Variants in B3GAT2 observed in about 807,000 individuals in gnomAD.
B3GAT2 encodes the protein galactosylgalactosylxylosylprotein 3-beta-glucuronosyltransferase 2.
Under a neutral mutation model 27.8 loss-of-function variants are expected in B3GAT2, and 26 were observed. That is an observed-to-expected ratio of 0.93 (90% CI 0.68 to 1.30). The LOEUF (loss-of-function observed/expected upper bound fraction) is 1.30, where lower values mean the gene tolerates loss of function less well. B3GAT2 is among the 50% of genes most tolerant of loss of function. The probability of loss-of-function intolerance (pLI) is 0.00; values close to 1 mark genes in which losing one functional copy is unlikely to be tolerated. For missense variants in B3GAT2, 458 were observed against 459.0 expected (o/e 1.00, Z 0.02); for synonymous variants, 218 against 195.1 (o/e 1.12, Z -0.98).
chr6:70,902,673 T>C (rs1224103227), intron 1 of B3GAT2, among the ~76,000 whole-genome samples: 3 of 149,082 alleles, frequency 2.0e-5, no homozygotes, highest in Non-Finnish European at 4.4e-5. Context: ...CACATATATA[T>C]ATATACACAT....
intron 2 of B3GAT2, among the ~76,000 whole-genome samples, chr6:70,878,276 T>C (rs1322707405): frequency 6.6e-6 from 1 of 152,230 alleles, no homozygotes; most frequent in Non-Finnish European, 1.5e-5. Flanking sequence ...ACTATGATTA[T>C]GGTTTTGTCA....
At position 70,861,638 on chromosome 6, in the gene B3GAT2, A is replaced by G; in HGVS notation, c.*25T>C. 6.2e-7 allele frequency: 1 copy of G among 1,605,046 alleles called. No homozygotes were observed. The highest frequency in any genetic ancestry group is 8.5e-7 in the Non-Finnish European group (1 of 1,172,448). ...TTCCATATGGATCCACTGGCTGGAC[A>G]AACTGCACCAGTTGCTGCTTCAATT... is the stretch of plus-strand genomic sequence containing the variant. On this transcript the variant is annotated 3_prime_UTR_variant, in exon 4 of 4. Transcript: ENST00000230053.
At position 70,956,508 on chromosome 6, in the gene B3GAT2, G is replaced by A; in HGVS notation, c.-79C>T. 6.5e-7 allele frequency: 1 copy of A among 1,540,646 alleles called. No individual in the cohort carries two copies. The highest frequency in any genetic ancestry group is 2.4e-5 in the East Asian group (1 of 40,872). On this transcript the variant is annotated 5_prime_UTR_variant, in exon 1 of 4. Transcript: ENST00000230053. ...CCCAGTGCGCAGCTTGGACAGCGGC[G>A]GCGCCAGCACTTAGGGAGTGGTGAT...
At chr6:70,936,430 C>G (rs1166313233) in intron 1 of B3GAT2, among the ~76,000 whole-genome samples, 1 of 151,968 alleles carries the variant, frequency 6.6e-6, no homozygotes, top group Non-Finnish European at 1.5e-5. Flanking sequence ...AACTCTCCAC[C>G]CCAAATCAAC....
intron 1 of B3GAT2, among the ~76,000 whole-genome samples, chr6:70,907,978 T>C (rs765843014): frequency 6.6e-6 from 1 of 152,202 alleles, no homozygotes; most frequent in African/African-American, 2.4e-5. Flanking sequence ...AGCTTCCTAT[T>C]TGGCACACTT....
intron 1 of B3GAT2, among the ~76,000 whole-genome samples, chr6:70,941,418 A>C (rs1765391902): frequency 6.6e-6 from 1 of 152,158 alleles, no homozygotes; most frequent in African/African-American, 2.4e-5. Flanking sequence ...GTGAAGCTGG[A>C]TTTGAACATG....
chr6:70,954,887 G>A (rs1260457393), intron 1 of B3GAT2, among the ~76,000 whole-genome samples: 1 of 145,278 alleles, frequency 6.9e-6, no homozygotes, highest in Non-Finnish European at 1.5e-5. Flanking sequence ...AAGAACACCT[G>A]TTCTAACCCT....
chr6:70,871,550 A>C (rs1422660479), intron 2 of B3GAT2, among the ~76,000 whole-genome samples: 1 of 151,888 alleles, frequency 6.6e-6, no homozygotes, highest in African/African-American at 2.4e-5. Flanking sequence ...ATTCTCATAA[A>C]ATTTATGTAA....
chr6:70,945,197 C>G (rs1260085078), intron 1 of B3GAT2, among the ~76,000 whole-genome samples: 1 of 152,182 alleles, frequency 6.6e-6, no homozygotes, highest in Non-Finnish European at 1.5e-5. Flanking sequence ...CAGTTCCTCA[C>G]CAGCAACGGA....
intron 2 of B3GAT2, among the ~76,000 whole-genome samples, chr6:70,879,486 T>C (rs929664814): frequency 6.6e-6 from 1 of 152,092 alleles, no homozygotes; most frequent in Non-Finnish European, 1.5e-5. Context: ...TTAGGATTCA[T>C]TCATTCATTC....
At chr6:70,895,987 C>A (rs879563825) in intron 1 of B3GAT2, among the ~76,000 whole-genome samples, 4 of 152,086 alleles carry the variant, frequency 2.6e-5, no homozygotes, top group Non-Finnish European at 4.4e-5. Context: ...CATTTCCTAC[C>A]CTTATAAGGT....
In B3GAT2 at chr6:70,894,244, C is replaced by CAG. The variant is rs1284978350; in HGVS notation, c.618_619dup (p.Trp207SerfsTer44). ...CCGCCCACCAACCAGGCCCACAGGC[C>CAG]AGACGGAGACCTTGCGGGTGGTTCG... On this transcript the variant is annotated frameshift_variant, in exon 2 of 4. Coordinates refer to ENST00000230053, the MANE Select transcript of B3GAT2 (RefSeq NM_080742.3). LOFTEE classifies it high-confidence loss of function. The CAG allele has an allele frequency of 6.2e-7, 1 of 1,605,390 alleles. No homozygotes were observed. The highest frequency in any genetic ancestry group is 1.7e-5 in the Admixed American group (1 of 57,490).
chr6:70,944,442 C>T (rs1021222130), intron 1 of B3GAT2, among the ~76,000 whole-genome samples: 16 of 51,368 alleles, frequency 3.1e-4, no homozygotes, highest in African/African-American at 1.1e-3. Context: ...ATGGCGCCCA[C>T]GGAGTCTCGC....
At chr6:70,892,527 A>C (rs2150030941) in intron 2 of B3GAT2, among the ~76,000 whole-genome samples, 1 of 152,322 alleles carries the variant, frequency 6.6e-6, no homozygotes, top group South Asian at 2.1e-4. Flanking sequence ...AATCTGAAGC[A>C]AAAGTCTGTC....
At chr6:70,863,071 A>C (rs749046880) in intron 2 of B3GAT2, among the ~76,000 whole-genome samples, 2 of 152,202 alleles carry the variant, frequency 1.3e-5, no homozygotes, top group African/African-American at 2.4e-5. Context: ...TTGCCATCTC[A>C]GCAAGTAATA....
chr6:70,952,038 C>G (rs1765586083), intron 1 of B3GAT2, among the ~76,000 whole-genome samples: 1 of 152,032 alleles, frequency 6.6e-6, no homozygotes, highest in South Asian at 2.1e-4. Context: ...ACTCGTATAT[C>G]CTTCAGATTA....
intron 1 of B3GAT2, among the ~76,000 whole-genome samples, chr6:70,924,955 G>A (rs1382904588): frequency 6.6e-6 from 1 of 152,190 alleles, no homozygotes; most frequent in Non-Finnish European, 1.5e-5. Context: ...TAGATCCTGA[G>A]GTTGGCCTTT....
rs1472098385 is a variant in B3GAT2 at position 70,936,285 on chromosome 6, C to T, written c.591+19554G>A. ...TGAGTGACCTACAAAGAGACTTAGA[C>T]TCCCAAACAATAATAATGGGAGACT... On this transcript the variant is annotated intron_variant, in intron 1 of 3. Coordinates refer to ENST00000230053, the MANE Select transcript of B3GAT2 (RefSeq NM_080742.3). 1.6e-4 allele frequency among the ~76,000 whole-genome samples: 25 copies of T among 152,178 alleles called. 1 individual carries two copies. Among genetic ancestry groups the T allele is most frequent in the African/African-American group, 6.0e-4 (25 of 41,470 alleles).
intron 1 of B3GAT2, among the ~76,000 whole-genome samples, chr6:70,901,413 C>T (rs1772496756): frequency 6.6e-6 from 1 of 152,218 alleles, no homozygotes; most frequent in Admixed American, 6.5e-5. Flanking sequence ...GGGAAATACA[C>T]AAGATAAGCC....
Sources: gnomAD v4.1 joint callset for allele counts (sites outside exome capture counted in the v4.1 genomes callset) on GRCh38, gnomAD v4.1.1 for gene constraint, MANE v1.5 for transcripts, NCBI Gene and HGNC (gene_info 2026-07-23, HGNC 2026-07-21) for gene names.